DPH6: variants seen among roughly 807,000 people sequenced by gnomAD.
DPH6 encodes diphthamine biosynthesis 6.
In DPH6, 33 loss-of-function variants were observed where a neutral mutation model predicts 38.2. The observed-to-expected ratio is 0.86, with a 90% CI of 0.65 to 1.15. DPH6 has a LOEUF of 1.15. Ranked by LOEUF, DPH6 falls within the 50% of genes most tolerant of loss-of-function variation. The pLI, the probability that DPH6 is intolerant of heterozygous loss-of-function variation, is 0.00. For missense variants in DPH6, 325 were observed against 320.0 expected (o/e 1.02, Z -0.12); for synonymous variants, 108 against 103.0 (o/e 1.05, Z -0.30).
At chr15:35,488,121 T>C (rs762821756) in intron 3 of DPH6, among the ~76,000 whole-genome samples, 15 of 152,164 alleles carry the variant, frequency 9.9e-5, no homozygotes, top group Non-Finnish European at 2.2e-4. Flanking sequence ...CCAGACTTCA[T>C]TGTCCATATC....
At chr15:35,291,041 T>A (rs941379925) in intron 3 of DPH6, among the ~76,000 whole-genome samples, 1 of 152,046 alleles carries the variant, frequency 6.6e-6, no homozygotes, top group Non-Finnish European at 1.5e-5. Flanking sequence ...TTCAAAGAAG[T>A]GAATGCAGGA....
intron 3 of DPH6, among the ~76,000 whole-genome samples, chr15:35,278,669 C>A (rs2051875134): frequency 6.6e-6 from 1 of 152,164 alleles, no homozygotes; most frequent in African/African-American, 2.4e-5. Context: ...TCAGAGCAGC[C>A]CTGTGGGCTG....
chr15:35,507,151 A>G (rs2054705052), intron 3 of DPH6, among the ~76,000 whole-genome samples: 2 of 152,164 alleles, frequency 1.3e-5, no homozygotes, highest in South Asian at 4.1e-4. Flanking sequence ...TATTTAGAAA[A>G]TAATCAGACA....
intron 3 of DPH6, among the ~76,000 whole-genome samples, chr15:35,323,178 G>A (rs780913394): frequency 4.6e-4 from 70 of 152,036 alleles, no homozygotes; most frequent in Non-Finnish European, 9.6e-4. Flanking sequence ...AAAACTTAAG[G>A]TCAAATTCTG....
At chr15:35,343,405 T>A (rs1474849933) in intron 3 of DPH6, among the ~76,000 whole-genome samples, 1 of 152,120 alleles carries the variant, frequency 6.6e-6, no homozygotes, top group Non-Finnish European at 1.5e-5. Flanking sequence ...TTATCTCTAG[T>A]ATGTTCACTT....
chr15:35,359,613 G>A (rs964870453), intron 3 of DPH6, among the ~76,000 whole-genome samples: 6 of 152,082 alleles, frequency 3.9e-5, no homozygotes, highest in Non-Finnish European at 5.9e-5. Flanking sequence ...AGCTAAAGTC[G>A]GAAACTTCTC....
chr15:35,461,685 A>C (rs1444740661), intron 3 of DPH6, among the ~76,000 whole-genome samples: 2 of 152,012 alleles, frequency 1.3e-5, no homozygotes, highest in African/African-American at 2.4e-5. Flanking sequence ...GAATGGGTGG[A>C]GAATGAAGGA....
At chr15:35,157,161 T>C in the DPH6 span, among the ~76,000 whole-genome samples, 6 of 152,262 alleles carry the variant, frequency 3.9e-5, no homozygotes, top group Admixed American at 3.9e-4. Flanking sequence ...ATCATCTTCT[T>C]TTACAATACT....
intron 3 of DPH6, among the ~76,000 whole-genome samples, chr15:35,353,524 T>C (rs1395193462): frequency 3.3e-5 from 5 of 152,366 alleles, no homozygotes; most frequent in Admixed American, 3.3e-4. Context: ...CAGCACCATT[T>C]GTTAAATAGG....
At chr15:35,299,692 T>TAC (rs1284326284) in intron 3 of DPH6, among the ~76,000 whole-genome samples, 7 of 152,210 alleles carry the variant, frequency 4.6e-5, no homozygotes, top group Non-Finnish European at 1.5e-5. Context: ...TTCACATAGA[T>TAC]ACACCTTAGG....
At chr15:35,480,044 G>C (rs2054308782) in intron 3 of DPH6, among the ~76,000 whole-genome samples, 1 of 151,562 alleles carries the variant, frequency 6.6e-6, no homozygotes, top group Non-Finnish European at 1.5e-5. Context: ...ATTATGCTTT[G>C]TTTAAAAAAG....
chr15:35,543,260 A>T (rs62003635), intron 1 of DPH6, among the ~76,000 whole-genome samples: 1 of 4,618 alleles, frequency 2.2e-4, no homozygotes, highest in African/African-American at 4.3e-4. Flanking sequence ...CATACACATA[A>T]TATATATATA....
At chr15:35,404,808 G>A (rs2053269543) in intron 6 of DPH6, among the ~76,000 whole-genome samples, 3 of 152,196 alleles carry the variant, frequency 2.0e-5, no homozygotes, top group African/African-American at 7.2e-5. Flanking sequence ...CCAGACCCGT[G>A]TCCTGGAGAA....
chr15:35,308,409 C>T (rs2052111423), intron 3 of DPH6, among the ~76,000 whole-genome samples: 1 of 151,548 alleles, frequency 6.6e-6, no homozygotes. Context: ...TTTTTATTTC[C>T]AACCAAAAAT....
chr15:35,492,562 T>G (rs1469437486), intron 3 of DPH6, among the ~76,000 whole-genome samples: 1 of 152,194 alleles, frequency 6.6e-6, no homozygotes, highest in Non-Finnish European at 1.5e-5. Flanking sequence ...CCCAAAGGAT[T>G]ATTTTCACTG....
chr15:35,544,729 A>G (rs1264435720), intron 1 of DPH6, among the ~76,000 whole-genome samples: 2 of 152,190 alleles, frequency 1.3e-5, no homozygotes, highest in Non-Finnish European at 2.9e-5. Context: ...TTTTTTAGCA[A>G]ACTTTTTTTA....
At chr15:35,259,964 G>A (rs1314436979) in intron 3 of DPH6, among the ~76,000 whole-genome samples, 1 of 152,130 alleles carries the variant, frequency 6.6e-6, no homozygotes, top group Non-Finnish European at 1.5e-5. Flanking sequence ...CATAAAGCAA[G>A]TGCAAATGCT....
intron 6 of DPH6, among the ~76,000 whole-genome samples, chr15:35,404,085 C>G (rs1402175446): frequency 6.6e-6 from 1 of 152,106 alleles, no homozygotes; most frequent in African/African-American, 2.4e-5. Context: ...GAACAGTACT[C>G]CATAGTGTGT....
At chr15:35,340,295 G>C (rs930800127) in intron 3 of DPH6, among the ~76,000 whole-genome samples, 5 of 152,142 alleles carry the variant, frequency 3.3e-5, no homozygotes, top group African/African-American at 1.2e-4. Flanking sequence ...TGGATCTCTT[G>C]AAGACAGCAC....
Sources: allele counts gnomAD v4.1 joint callset (sites outside exome capture counted in the v4.1 genomes callset), GRCh38; gene constraint gnomAD v4.1.1; transcripts MANE v1.5; gene names NCBI Gene and HGNC (gene_info 2026-07-23, HGNC 2026-07-21).